NME7: variants seen among roughly 807,000 people sequenced by gnomAD.
NME7 encodes nucleoside diphosphate kinase 7.
Under a neutral mutation model 49.1 loss-of-function variants are expected in NME7, and 41 were observed. That is an observed-to-expected ratio of 0.83 (90% CI 0.65 to 1.08). The LOEUF is 1.08. Ranked by LOEUF, NME7 falls within the 50% of genes least tolerant of loss-of-function variation. NME7 has a pLI of 0.00. For missense variants in NME7, 423 were observed against 463.4 expected (o/e 0.91, Z 0.80); for synonymous variants, 139 against 150.6 (o/e 0.92, Z 0.56).
intron 1 of NME7, among the ~76,000 whole-genome samples, chr1:169,340,181 A>ACAGGGGC (rs1652633893): frequency 6.6e-6 from 1 of 152,162 alleles, no homozygotes; most frequent in East Asian, 1.9e-4. Flanking sequence ...ATGTGTCAAG[A>ACAGGGGC]CAGGGGCCTG....
At chr1:169,184,856 C>T (rs760397094) in intron 10 of NME7, among the ~76,000 whole-genome samples, 8 of 152,102 alleles carry the variant, frequency 5.3e-5, no homozygotes, top group African/African-American at 9.7e-5. Flanking sequence ...ATTGTTTGCT[C>T]ATTTTCATGG....
chr1:169,281,530 C>T (rs557199396), intron 7 of NME7, among the ~76,000 whole-genome samples: 43 of 152,108 alleles, frequency 2.8e-4, no homozygotes, highest in Non-Finnish European at 5.3e-4. Context: ...TGTCTTGTGC[C>T]GGTTTTCAAA....
At chr1:169,254,478 T>C (rs1236768955) in intron 7 of NME7, among the ~76,000 whole-genome samples, 29 of 151,088 alleles carry the variant, frequency 1.9e-4, no homozygotes, top group African/African-American at 5.6e-4. Context: ...GTCTTGCTAG[T>C]GGTCTATCAA....
intron 10 of NME7, among the ~76,000 whole-genome samples, chr1:169,170,405 T>A (rs1372762787): frequency 6.6e-6 from 1 of 152,248 alleles, no homozygotes; most frequent in Non-Finnish European, 1.5e-5. Flanking sequence ...CTCACATTTG[T>A]GGTTCCATCA....
intron 6 of NME7, among the ~76,000 whole-genome samples, chr1:169,289,561 T>C (rs999727885): frequency 6.6e-6 from 1 of 151,976 alleles, no homozygotes; most frequent in African/African-American, 2.4e-5. Flanking sequence ...GTACTTTTTC[T>C]ATTATCTGTC....
intron 7 of NME7, among the ~76,000 whole-genome samples, chr1:169,269,976 G>A (rs1363353928): frequency 3.0e-5 from 4 of 131,856 alleles, no homozygotes; most frequent in East Asian, 2.0e-4. Context: ...TTGCTATGCC[G>A]GCCTGGCTGA....
chr1:169,267,400 C>A (rs1649349261), intron 7 of NME7, among the ~76,000 whole-genome samples: 1 of 133,074 alleles, frequency 7.5e-6, no homozygotes, highest in South Asian at 2.3e-4. Flanking sequence ...ACATTCTTCA[C>A]AAACTGGAAA....
intron 10 of NME7, among the ~76,000 whole-genome samples, chr1:169,203,424 TTG>T (rs1323984905): frequency 6.6e-6 from 1 of 152,156 alleles, no homozygotes; most frequent in Non-Finnish European, 1.5e-5. Flanking sequence ...ATTCTCTTGA[TTG>T]TGAGACAAAG....
intron 7 of NME7, chr1:169,286,162 T>C (rs777592174): frequency 3.9e-5 from 6 of 152,154 alleles, no homozygotes; most frequent in African/African-American, 1.4e-4. Context: ...ACCATTACAT[T>C]CATGTGTAGC....
At chr1:169,141,067 T>A (rs1658580020) in intron 11 of NME7, among the ~76,000 whole-genome samples, 1 of 152,128 alleles carries the variant, frequency 6.6e-6, no homozygotes, top group Non-Finnish European at 1.5e-5. Context: ...TCTCTGTGCC[T>A]CAGAGGAATG....
chr1:169,301,353 C>A (rs1386671132), intron 5 of NME7, among the ~76,000 whole-genome samples: 1 of 152,080 alleles, frequency 6.6e-6, no homozygotes, highest in Admixed American at 6.6e-5. Flanking sequence ...CGGAGAAATG[C>A]AAATCAAAAC....
At chr1:169,306,249 A>T (rs945749005) in intron 4 of NME7, among the ~76,000 whole-genome samples, 2 of 152,162 alleles carry the variant, frequency 1.3e-5, no homozygotes, top group African/African-American at 4.8e-5. Flanking sequence ...TTTCCTGCAT[A>T]TGGGAAACCA....
intron 1 of NME7, among the ~76,000 whole-genome samples, chr1:169,328,577 A>C (rs1057490709): frequency 6.6e-6 from 1 of 152,208 alleles, no homozygotes; most frequent in African/African-American, 2.4e-5. Context: ...TGAAGGAAAA[A>C]GGGATTTATG....
In NME7 at chr1:169,185,218, A is replaced by G. The variant is rs183312175; in HGVS notation, c.991-15664T>C. 2.0e-5 allele frequency among the ~76,000 whole-genome samples: 3 copies of G among 152,308 alleles called. No individual in the cohort carries two copies. In the East Asian group the frequency reaches 5.8e-4, roughly 29 times the overall value. On this transcript the variant is annotated intron_variant, in intron 10 of 11. Transcript: ENST00000367811. ...CCACTGTTTGTAAGTCCAACAATTA[A>G]TAAGTCCAAAATAAGACACGACAAT... is the stretch of plus-strand genomic sequence containing the variant.
intron 11 of NME7, among the ~76,000 whole-genome samples, chr1:169,163,606 G>C (rs954982762): frequency 1.5e-4 from 23 of 152,072 alleles, no homozygotes; most frequent in Admixed American, 3.9e-4. Context: ...TGGAGTCTAA[G>C]GATTAGATGG....
At chr1:169,293,301 CAAA>C (rs200283897) in intron 6 of NME7, among the ~76,000 whole-genome samples, 16 of 108,674 alleles carry the variant, frequency 1.5e-4, no homozygotes, top group South Asian at 1.1e-3. Context: ...CTCTTGTCTC[CAAA>C]AAAAAAAAAA....
chr1:169,262,029 G>C (rs1055292209), intron 7 of NME7, among the ~76,000 whole-genome samples: 1 of 133,862 alleles, frequency 7.5e-6, no homozygotes. Flanking sequence ...ATAATTCCTG[G>C]TATTCATGTG....
intron 10 of NME7, among the ~76,000 whole-genome samples, chr1:169,228,165 T>C (rs1337348561): frequency 1.3e-5 from 2 of 151,972 alleles, no homozygotes; most frequent in African/African-American, 4.8e-5. Context: ...TGCCTTATCC[T>C]CCCAAAATGC....
rs150136713 is a variant in NME7, at chr1:169,132,593, G to A, written c.*192C>T. On this transcript the variant is annotated 3_prime_UTR_variant, in exon 12 of 12. Coordinates refer to ENST00000367811, the MANE Select transcript of NME7 (RefSeq NM_013330.5). ...AAGCAATGCAGTACCCCATAGACTG[G>A]TGTTAAATGTTGTCTACAGTGCAAA... The A allele has an allele frequency of 1.5e-4, 78 of 518,198 alleles. No homozygotes were observed. The highest frequency in any genetic ancestry group is 1.2e-3 in the African/African-American group (63 of 50,536). 32.1% of individuals were successfully genotyped at this position (518,198 alleles called of 1,614,324 possible).
Sources: allele counts gnomAD v4.1 joint callset (sites outside exome capture counted in the v4.1 genomes callset), GRCh38; gene constraint gnomAD v4.1.1; transcripts MANE v1.5; gene names NCBI Gene and HGNC (gene_info 2026-07-23, HGNC 2026-07-21).